The following CA10 variants were observed in gnomAD, a reference collection of about 807,000 sequenced individuals.
The protein encoded by CA10 is carbonic anhydrase-related protein 10.
In CA10, 14 loss-of-function variants were observed where a neutral mutation model predicts 44.2. That is an observed-to-expected ratio of 0.32 (90% CI 0.21 to 0.50). The LOEUF (loss-of-function observed/expected upper bound fraction) is 0.50. CA10 is among the 20% of genes least tolerant of loss of function. The probability of loss-of-function intolerance (pLI) is 0.99; values close to 1 mark genes in which losing one functional copy is unlikely to be tolerated. For missense variants in CA10, 350 were observed against 409.7 expected (o/e 0.85, Z 1.26); for synonymous variants, 159 against 141.6 (o/e 1.12, Z -0.87).
chr17:52,064,208 C>A (rs779543918), intron 2 of CA10, among the ~76,000 whole-genome samples: 11 of 152,114 alleles, frequency 7.2e-5, no homozygotes, highest in Non-Finnish European at 1.3e-4. Flanking sequence ...TTGAATTCTG[C>A]CAAGGACCCA....
chr17:51,722,716 G>T (rs948213578), intron 4 of CA10, among the ~76,000 whole-genome samples: 1 of 152,170 alleles, frequency 6.6e-6, no homozygotes, highest in Admixed American at 6.5e-5. Context: ...TGAGAGAATG[G>T]AATCTCAGAA....
At chr17:52,154,492 G>A (rs137990187) in intron 1 of CA10, among the ~76,000 whole-genome samples, 6 of 152,278 alleles carry the variant, frequency 3.9e-5, no homozygotes, top group South Asian at 2.1e-4. Flanking sequence ...GGCAGCTCTC[G>A]TTTGACCAAG....
chr17:52,105,213 C>T (rs1988631724), intron 1 of CA10, among the ~76,000 whole-genome samples: 1 of 128,306 alleles, frequency 7.8e-6, no homozygotes, highest in South Asian at 2.5e-4. Context: ...CTATTAAACT[C>T]TCCAGCTCTG....
intron 1 of CA10, among the ~76,000 whole-genome samples, chr17:52,148,920 C>T (rs1473436855): frequency 6.6e-6 from 1 of 152,142 alleles, no homozygotes; most frequent in African/African-American, 2.4e-5. Context: ...ACATTTAACA[C>T]TGGGAAAAAA....
intron 3 of CA10, among the ~76,000 whole-genome samples, chr17:51,759,803 T>C (rs1905171449): frequency 6.6e-6 from 1 of 152,156 alleles, no homozygotes; most frequent in African/African-American, 2.4e-5. Flanking sequence ...AGAGTGACTT[T>C]TTTTTTATCC....
chr17:52,057,449 CTAGCTTTG>C lies in CA10; in HGVS notation c.136+14862_136+14869del, dbSNP rs1987260985. On this transcript the variant is annotated intron_variant, in intron 2 of 8. Coordinates refer to ENST00000451037, the MANE Select transcript of CA10 (RefSeq NM_020178.5). ...CTTTCTTAATAACATTTTATTTTCT[CTAGCTTTG>C]TTTATTGTAAGAATACAGTATTTAA... Among the ~76,000 whole-genome samples, 53 of 70,678 alleles carry C rather than the reference CTAGCTTTG, an allele frequency of 7.5e-4. 1 individual carries two copies. In the South Asian group the frequency reaches 0.042, roughly 56 times the overall value. The allele number at this position is 70,678 out of a possible 152,430, so 46.4% of individuals were successfully genotyped here.
rs1002795625 is a variant in CA10 at position 52,007,354 on chromosome 17, A to G, written c.136+64965T>C. Among the ~76,000 whole-genome samples the G allele has an allele frequency of 2.0e-5, 3 of 151,754 alleles. No individual in the cohort carries two copies. The East Asian group carries it at 5.9e-4, about 30-fold the overall frequency. On this transcript the variant is annotated intron_variant, in intron 2 of 8. Transcript: ENST00000451037. ...AAAAATTTCTTACATTTCATCCATAAGTAAGGTGTTTGCTAGAATGTTGGT... is the reference window on the plus strand; with the variant it reads ...AAAAATTTCTTACATTTCATCCATAGGTAAGGTGTTTGCTAGAATGTTGGT...
At chr17:52,054,614 G>C (rs1385098857) in intron 2 of CA10, among the ~76,000 whole-genome samples, 1 of 151,886 alleles carries the variant, frequency 6.6e-6, no homozygotes, top group African/African-American at 2.4e-5. Flanking sequence ...TTGCGGCTTG[G>C]GGGGCATCAC....
At chr17:51,797,379 C>T (rs1906754293) in intron 3 of CA10, among the ~76,000 whole-genome samples, 1 of 152,212 alleles carries the variant, frequency 6.6e-6, no homozygotes, top group Admixed American at 6.5e-5. Flanking sequence ...CACACGCACA[C>T]CCCGCCCTCC....
chr17:51,854,385 A>G (rs546377763), intron 3 of CA10, among the ~76,000 whole-genome samples: 16 of 152,302 alleles, frequency 1.1e-4, no homozygotes, highest in African/African-American at 3.6e-4. Context: ...TGGCTGGGAA[A>G]TATTTCTCCA....
intron 2 of CA10, among the ~76,000 whole-genome samples, chr17:52,014,849 A>T (rs1488726961): frequency 6.6e-6 from 1 of 152,064 alleles, no homozygotes; most frequent in Non-Finnish European, 1.5e-5. Context: ...GCGTATTTGA[A>T]AAACAAAGAT....
intron 3 of CA10, among the ~76,000 whole-genome samples, chr17:51,866,865 G>T (rs184979638): frequency 2.6e-5 from 4 of 152,228 alleles, no homozygotes; most frequent in Admixed American, 2.6e-4. Context: ...TTTAATGCAA[G>T]TTAGATAATT....
intron 4 of CA10, among the ~76,000 whole-genome samples, chr17:51,710,147 C>A (rs375731124): frequency 6.6e-6 from 1 of 152,038 alleles, no homozygotes; most frequent in African/African-American, 2.4e-5. Context: ...AACTGGAGGG[C>A]GGTTTGATCT....
At chr17:51,762,112 A>C (rs1394664981) in intron 3 of CA10, 1 of 152,236 alleles carries the variant, frequency 6.6e-6, no homozygotes, top group Non-Finnish European at 1.5e-5. Flanking sequence ...CTACCTCATG[A>C]AGTGGATATT....
intron 4 of CA10, among the ~76,000 whole-genome samples, chr17:51,666,913 G>A (rs750953944): frequency 2.6e-5 from 4 of 152,164 alleles, no homozygotes; most frequent in Non-Finnish European, 4.4e-5. Flanking sequence ...GCAAGCACAG[G>A]AAAGTATTAG....
chr17:51,682,080 G>A (rs746417629), intron 4 of CA10, among the ~76,000 whole-genome samples: 25 of 152,142 alleles, frequency 1.6e-4, no homozygotes, highest in Non-Finnish European at 2.9e-4. Flanking sequence ...CACTGCATTC[G>A]ATCCTGGGGA....
At chr17:52,073,197 G>A (rs1987731046) in intron 1 of CA10, among the ~76,000 whole-genome samples, 1 of 152,136 alleles carries the variant, frequency 6.6e-6, no homozygotes, top group South Asian at 2.1e-4. Flanking sequence ...TACTATTAAT[G>A]TTAAATCTTA....
intron 2 of CA10, among the ~76,000 whole-genome samples, chr17:52,060,211 A>G (rs1344238838): frequency 6.6e-6 from 1 of 152,186 alleles, no homozygotes; most frequent in African/African-American, 2.4e-5. Context: ...CATCAAACAC[A>G]CAGAAATTCA....
chr17:51,977,161 G>C (rs1331042808), intron 2 of CA10, among the ~76,000 whole-genome samples: 2 of 151,852 alleles, frequency 1.3e-5, no homozygotes. Context: ...AGAGAATAGA[G>C]ATGGAAATCT....
Sources: gnomAD v4.1 joint callset for allele counts (sites outside exome capture counted in the v4.1 genomes callset) on GRCh38, gnomAD v4.1.1 for gene constraint, MANE v1.5 for transcripts, NCBI Gene and HGNC (gene_info 2026-07-23, HGNC 2026-07-21) for gene names.